Variants in COL26A1 observed in about 807,000 individuals in gnomAD.
COL26A1 encodes collagen alpha-1(XXVI) chain.
In COL26A1, 41 loss-of-function variants were observed where a neutral mutation model predicts 59.3. That is an observed-to-expected ratio of 0.69 (90% CI 0.54 to 0.90). The LOEUF is 0.90. Among genes scored for constraint, COL26A1 ranks in the 40% least tolerant of loss-of-function variants. The pLI, the probability that COL26A1 is intolerant of heterozygous loss-of-function variation, is 0.00. For missense variants in COL26A1, 612 were observed against 602.3 expected (o/e 1.02, Z -0.17); for synonymous variants, 266 against 256.0 (o/e 1.04, Z -0.37).
intron 4 of COL26A1, among the ~76,000 whole-genome samples, chr7:101,537,146 C>A (rs1484617687): frequency 6.6e-6 from 1 of 152,202 alleles, no homozygotes; most frequent in Non-Finnish European, 1.5e-5. Flanking sequence ...CCAGGCAACC[C>A]ACAGAGTCTG....
chr7:101,483,942 G>A (rs946901143), intron 3 of COL26A1, among the ~76,000 whole-genome samples: 4 of 151,602 alleles, frequency 2.6e-5, no homozygotes, highest in African/African-American at 4.9e-5. Context: ...CCAAAGTGCT[G>A]GGATTACAGG....
At chr7:101,393,195 G>T (rs998488358) in intron 1 of COL26A1, among the ~76,000 whole-genome samples, 1 of 151,756 alleles carries the variant, frequency 6.6e-6, no homozygotes, top group African/African-American at 2.4e-5. Flanking sequence ...GTACAGACAG[G>T]GTATATTAGT....
intron 3 of COL26A1, among the ~76,000 whole-genome samples, chr7:101,501,217 GA>G (rs111556828): frequency 0.37 from 41,983 of 112,900 alleles, 7,053 homozygotes; most frequent in Non-Finnish European, 0.46. Context: ...GAAAAGAAAA[GA>G]AAAAAAAAAA....
rs1220481576 is a variant in COL26A1, at chr7:101,493,238, G to A, written c.386-39844G>A. On this transcript the variant is annotated intron_variant, in intron 3 of 12. Transcript: ENST00000313669. Reference sequence around the variant, plus strand: ...TGCCCACCCCCTTCCCCCTGCCCTTGCCTCCCTCCCCACCCCGCCCACTCT... The same window carrying A: ...TGCCCACCCCCTTCCCCCTGCCCTTACCTCCCTCCCCACCCCGCCCACTCT... Among the ~76,000 whole-genome samples the A allele has an allele frequency of 8.0e-5, 3 of 37,366 alleles. No homozygotes were observed. In the Admixed American group the frequency reaches 1.0e-3, roughly 13 times the overall value. The allele number at this position is 37,366 out of a possible 152,430, so 24.5% of individuals were successfully genotyped here.
intron 3 of COL26A1, among the ~76,000 whole-genome samples, chr7:101,481,139 G>A (rs1794145148): frequency 6.6e-6 from 1 of 152,074 alleles, no homozygotes; most frequent in South Asian, 2.1e-4. Flanking sequence ...AAGAGGAGAT[G>A]CCACGTTGTT....
At position 101,539,960 on chromosome 7, in the gene COL26A1, C is replaced by T; in HGVS notation, c.515C>T (p.Thr172Ile). 1 of 1,613,736 alleles carries T rather than the reference C, an allele frequency of 6.2e-7. No homozygotes were observed. Among genetic ancestry groups the T allele is most frequent in the Non-Finnish European group, 8.5e-7 (1 of 1,179,852 alleles). ...AACGACCTGCCAGCCCCCGAGAGCA[C>T]TCCGCCGACCTGGAATGAGGACTTC... ...PDNDLPAPES[T>I]PPTWNEDFLP... is the part of the protein sequence containing the mutation. The change falls in exon 5 of 13, where the codon ACT (threonine) becomes ATT (isoleucine). Residue 172 changes from threonine to isoleucine, a missense_variant. Physicochemically the swap from Thr to Ile is moderately conservative, Grantham distance 89. Transcript: ENST00000313669.
chr7:101,533,012 C>A, intron 3 of COL26A1, 70 bp from the exon 4 acceptor site: 1 of 1,194,918 alleles, frequency 8.4e-7, no homozygotes, highest in Non-Finnish European at 1.2e-6. Flanking sequence ...CAGAGGCTAT[C>A]CTGGTGACTG....
chr7:101,363,759 C>T (rs1311703093), intron 1 of COL26A1, among the ~76,000 whole-genome samples: 1 of 151,658 alleles, frequency 6.6e-6, no homozygotes, highest in Non-Finnish European at 1.5e-5. Flanking sequence ...AGAGGTGGTT[C>T]CGACCGCCGT....
intron 3 of COL26A1, among the ~76,000 whole-genome samples, chr7:101,497,411 A>G (rs1336548364): frequency 6.6e-6 from 1 of 152,186 alleles, no homozygotes; most frequent in Non-Finnish European, 1.5e-5. Context: ...GCAGTGGCTC[A>G]TGCCTGCAAT....
intron 1 of COL26A1, among the ~76,000 whole-genome samples, chr7:101,380,660 A>G (rs951382087): frequency 6.6e-6 from 1 of 151,892 alleles, no homozygotes; most frequent in Non-Finnish European, 1.5e-5. Flanking sequence ...CTGGATCAGG[A>G]CCCCTTTCTG....
At position 101,363,165 on chromosome 7, in the gene COL26A1, C is replaced by G. The variant is rs1351014724; in HGVS notation, c.133C>G (p.Pro45Ala). 1 of 1,507,656 alleles carries G rather than the reference C, an allele frequency of 6.6e-7. No individual in the cohort carries two copies. Among genetic ancestry groups the G allele is most frequent in the Non-Finnish European group, 8.8e-7 (1 of 1,135,572 alleles). 93.4% of individuals were successfully genotyped at this position (1,507,656 alleles called of 1,614,324 possible). The change falls in exon 1 of 13, where the codon CCT (proline) becomes GCT (alanine). Residue 45 changes from proline (P) to alanine (A), a missense_variant. Pro to Ala is a conservative substitution (Grantham distance 27). Transcript: ENST00000313669. ...CTACCCCGAGCCCGGCGCCGGCTCC[C>G]CTGGCAGCGGCTACGCGAGCCGCCG... ...HGYPEPGAGS[P>A]GSGYASRRHW...
At chr7:101,365,139 C>T (rs1314874858) in intron 1 of COL26A1, among the ~76,000 whole-genome samples, 3 of 152,244 alleles carry the variant, frequency 2.0e-5, no homozygotes, top group East Asian at 1.9e-4. Context: ...AATACTTACC[C>T]GGGGCTTCTA....
Position 101,539,335 on chromosome 7 carries a change from C to CTT in COL26A1, c.448-550_448-549dup, listed in dbSNP as rs200640054. On this transcript the variant is annotated intron_variant, in intron 4 of 12. Transcript: ENST00000313669. ...GTGTGTGTGTGCGTATGTGTGTGTG[C>CTT]TTTTTTTTTCTCTCTCTCTCTTTTT... is the stretch of plus-strand genomic sequence containing the variant. Among the ~76,000 whole-genome samples, 20 of 142,616 alleles carry CTT rather than the reference C, an allele frequency of 1.4e-4. 1 individual carries two copies. Among genetic ancestry groups the CTT allele is most frequent in the Non-Finnish European group, 2.6e-4 (17 of 65,370 alleles). 93.6% of individuals were successfully genotyped at this position (142,616 alleles called of 152,430 possible).
chr7:101,475,762 CTTTCTCTTTCTTTCTT>C (rs1562999952), intron 3 of COL26A1, among the ~76,000 whole-genome samples: 2 of 141,412 alleles, frequency 1.4e-5, no homozygotes, highest in South Asian at 2.2e-4. Context: ...CTTTTTCTTT[CTTTCTCTTTCTTTCTT>C]TCTTTCTTTC....
intron 2 of COL26A1, among the ~76,000 whole-genome samples, chr7:101,446,762 G>A (rs750999569): frequency 8.6e-5 from 13 of 151,784 alleles, no homozygotes; most frequent in South Asian, 4.2e-4. Flanking sequence ...CAGGAGAATC[G>A]CTTGAACCTG....
chr7:101,427,851 A>G (rs1792684169), intron 2 of COL26A1, among the ~76,000 whole-genome samples: 1 of 151,890 alleles, frequency 6.6e-6, no homozygotes, highest in South Asian at 2.1e-4. Context: ...GGTTCCCTTC[A>G]TTCTTTGAAG....
chr7:101,396,962 G>A (rs1031108491), intron 1 of COL26A1, among the ~76,000 whole-genome samples: 7 of 152,184 alleles, frequency 4.6e-5, no homozygotes, highest in Non-Finnish European at 8.8e-5. Context: ...CTGGGGTGAC[G>A]CTGGGTAGAT....
chr7:101,492,563 G>C (rs1332834488), intron 3 of COL26A1, among the ~76,000 whole-genome samples: 1 of 151,568 alleles, frequency 6.6e-6, no homozygotes, highest in Non-Finnish European at 1.5e-5. Context: ...TGGGTGTGGT[G>C]GTGGGCGCCT....
rs534057719 is a variant in COL26A1 at position 101,526,198 on chromosome 7, G to A, written c.386-6884G>A. Among the ~76,000 whole-genome samples the A allele has an allele frequency of 2.8e-4, 42 of 151,986 alleles. No homozygotes were observed. The South Asian group carries it at 3.5e-3, about 13-fold the overall frequency. On this transcript the variant is annotated intron_variant, in intron 3 of 12. Transcript: ENST00000313669. The stretch of plus-strand genomic sequence containing the variant: ...CGAGTAGTTGGGATTACAGGTGCCC[G>A]CCACCACATCCAGCTAATTTTTGTA...
Sources: gnomAD v4.1 joint callset for allele counts (sites outside exome capture counted in the v4.1 genomes callset) on GRCh38, gnomAD v4.1.1 for gene constraint, MANE v1.5 for transcripts, NCBI Gene and HGNC (gene_info 2026-07-23, HGNC 2026-07-21) for gene names.